TMEM132D: variants seen among roughly 807,000 people sequenced by gnomAD.
The protein encoded by TMEM132D is mature OL transmembrane protein.
Under a neutral mutation model 62.3 loss-of-function variants are expected in TMEM132D, and 21 were observed. The ratio of observed to expected loss-of-function variants is 0.34; its 90% CI spans 0.24 to 0.49. TMEM132D has a LOEUF of 0.49. Among genes scored for constraint, TMEM132D ranks in the 20% least tolerant of loss-of-function variants. The pLI is 0.99. For missense variants in TMEM132D, 1,346 were observed against 1,402.8 expected (o/e 0.96, Z 0.65); for synonymous variants, 621 against 575.6 (o/e 1.08, Z -1.13).
At position 129,228,207 on chromosome 12, in the gene TMEM132D, G is replaced by A. The variant is rs114022525; in HGVS notation, c.1300-18544C>T. ...GTTTAACTTTTGAATTGAGTTTAGCGGGATGAGTCCAGTAATCCGGTGGGG... is the reference window on the plus strand; with the variant it reads ...GTTTAACTTTTGAATTGAGTTTAGCAGGATGAGTCCAGTAATCCGGTGGGG... On this transcript the variant is annotated intron_variant, in intron 4 of 8. Coordinates refer to ENST00000422113, the MANE Select transcript of TMEM132D (RefSeq NM_133448.3). 2.9e-3 allele frequency among the ~76,000 whole-genome samples: 439 copies of A among 152,246 alleles called. 2 individuals are homozygous for A. The highest frequency in any genetic ancestry group is 0.01 in the African/African-American group (426 of 41,542).
intron 3 of TMEM132D, among the ~76,000 whole-genome samples, chr12:129,511,199 C>A (rs1875487795): frequency 6.6e-6 from 1 of 152,200 alleles, no homozygotes; most frequent in African/African-American, 2.4e-5. Flanking sequence ...CTTCTCTTCT[C>A]TGGTCTCAGT....
At chr12:129,613,534 G>T (rs1189447351) in intron 2 of TMEM132D, among the ~76,000 whole-genome samples, 2 of 152,182 alleles carry the variant, frequency 1.3e-5, no homozygotes, top group African/African-American at 4.8e-5. Flanking sequence ...TCACATCGCT[G>T]CTTGACAGAA....
intron 2 of TMEM132D, among the ~76,000 whole-genome samples, chr12:129,545,939 A>G (rs1470661296): frequency 6.6e-6 from 1 of 152,152 alleles, no homozygotes; most frequent in Non-Finnish European, 1.5e-5. Context: ...CATGGTCTAC[A>G]TGGGAATCAT....
intron 5 of TMEM132D, among the ~76,000 whole-genome samples, chr12:129,132,323 G>A (rs1876403779): frequency 6.6e-6 from 1 of 152,116 alleles, no homozygotes; most frequent in African/African-American, 2.4e-5. Context: ...CTTAGGCCTT[G>A]CAGAATATTT....
chr12:129,705,455 C>G (rs1049287574), intron 1 of TMEM132D, among the ~76,000 whole-genome samples: 3 of 152,122 alleles, frequency 2.0e-5, no homozygotes, highest in African/African-American at 7.2e-5. Context: ...TCATTTGCAT[C>G]CACTGTACAA....
Position 129,700,484 on chromosome 12 carries a change from C to G in TMEM132D, c.294G>C (p.Gly98=), listed in dbSNP as rs774590972. 3.1e-6 allele frequency: 5 copies of G among 1,614,120 alleles called. No individual in the cohort carries two copies. Among genetic ancestry groups the G allele is most frequent in the Non-Finnish European group, 4.2e-6 (5 of 1,180,030 alleles). ...RRLPVLNASY[G]PFSIEQVVPQ... Reference sequence around the variant, plus strand: ...GCACCACTTGCTCGATGGAGAAAGGCCCGTAGCTGGCATTGAGGACAGGCA... The same window carrying G: ...GCACCACTTGCTCGATGGAGAAAGGGCCGTAGCTGGCATTGAGGACAGGCA... Residue 98 remains glycine, a synonymous_variant, in exon 2 of 9, where the codon GGG becomes GGC. Coordinates refer to ENST00000422113, the MANE Select transcript of TMEM132D (RefSeq NM_133448.3).
intron 4 of TMEM132D, among the ~76,000 whole-genome samples, chr12:129,249,813 G>A (rs1880218291): frequency 6.6e-6 from 1 of 152,086 alleles, no homozygotes; most frequent in Non-Finnish European, 1.5e-5. Flanking sequence ...AGGAACCGTG[G>A]ATCAGCCAGG....
intron 2 of TMEM132D, among the ~76,000 whole-genome samples, chr12:129,615,440 A>G (rs1304382269): frequency 6.6e-6 from 1 of 151,636 alleles, no homozygotes; most frequent in Non-Finnish European, 1.5e-5. Flanking sequence ...TTACATTTAA[A>G]TTATATAAAA....
rs186648806 is a variant in TMEM132D, at chr12:129,776,168, A to C, written c.80-75470T>G. ...GCAAAATCATGAGAAAGAAGTCCAG[A>C]ATAAAGATGGTAATCCTGGGCTGTA... On this transcript the variant is annotated intron_variant, in intron 1 of 8. Coordinates refer to ENST00000422113, the MANE Select transcript of TMEM132D (RefSeq NM_133448.3). Among the ~76,000 whole-genome samples, 13 of 152,242 alleles carry C rather than the reference A, an allele frequency of 8.5e-5. No individual in the cohort carries two copies. In the East Asian group the frequency reaches 2.5e-3, roughly 29 times the overall value.
At chr12:129,692,434 G>T (rs746534632) in intron 2 of TMEM132D, among the ~76,000 whole-genome samples, 1 of 152,152 alleles carries the variant, frequency 6.6e-6, no homozygotes, top group Non-Finnish European at 1.5e-5. Context: ...TGTAGGTGCT[G>T]CACATTAGAT....
At chr12:129,518,155 A>C (rs1241481479) in intron 3 of TMEM132D, among the ~76,000 whole-genome samples, 1 of 150,458 alleles carries the variant, frequency 6.6e-6, no homozygotes. Context: ...TGTTAACCTC[A>C]ATTTCATAGT....
At chr12:129,410,137 A>T (rs568907964) in intron 3 of TMEM132D, among the ~76,000 whole-genome samples, 1 of 152,214 alleles carries the variant, frequency 6.6e-6, no homozygotes, top group Non-Finnish European at 1.5e-5. Context: ...TTCCATGTGG[A>T]TCCTGAGCAC....
chr12:129,550,887 C>T (rs1876876362), intron 2 of TMEM132D, among the ~76,000 whole-genome samples: 1 of 152,148 alleles, frequency 6.6e-6, no homozygotes, highest in East Asian at 1.9e-4. Context: ...AAAGCTTGTG[C>T]CTGAGATAGA....
chr12:129,212,467 G>A (rs201242391), intron 4 of TMEM132D: 2 of 85,134 alleles, frequency 2.3e-5, no homozygotes, highest in African/African-American at 3.5e-5. Flanking sequence ...TCAGATAAGA[G>A]GAGGACAAAA....
chr12:129,255,850 C>T (rs1285707593), intron 4 of TMEM132D, among the ~76,000 whole-genome samples: 1 of 152,178 alleles, frequency 6.6e-6, no homozygotes, highest in Non-Finnish European at 1.5e-5. Context: ...GGAGATATCT[C>T]CTTATCGCTC....
At chr12:129,193,332 ATG>A (rs904650657) in intron 5 of TMEM132D, among the ~76,000 whole-genome samples, 101 of 146,936 alleles carry the variant, frequency 6.9e-4, no homozygotes, top group African/African-American at 2.4e-3. Flanking sequence ...TCACATAGCA[ATG>A]TTTTTTTTTT....
At chr12:129,844,119 A>G (rs1242435109) in intron 1 of TMEM132D, among the ~76,000 whole-genome samples, 1 of 152,200 alleles carries the variant, frequency 6.6e-6, no homozygotes, top group Non-Finnish European at 1.5e-5. Flanking sequence ...ACAAATAAAA[A>G]GAACTTATGA....
chr12:129,185,816 A>G (rs1878207240), intron 5 of TMEM132D, among the ~76,000 whole-genome samples: 1 of 147,974 alleles, frequency 6.8e-6, no homozygotes, highest in African/African-American at 2.5e-5. Flanking sequence ...TCTATCATCT[A>G]TCTATCTGTT....
At chr12:129,680,761 G>A (rs75085726) in intron 2 of TMEM132D, among the ~76,000 whole-genome samples, 3,784 of 152,304 alleles carry the variant, frequency 0.025, 154 homozygotes, top group African/African-American at 0.084. Context: ...CACAGCCCAA[G>A]TATGAATAAA....
Sources: gnomAD v4.1 joint callset for allele counts (sites outside exome capture counted in the v4.1 genomes callset) on GRCh38, gnomAD v4.1.1 for gene constraint, MANE v1.5 for transcripts, NCBI Gene and HGNC (gene_info 2026-07-23, HGNC 2026-07-21) for gene names.